STAM2: variants seen among roughly 807,000 people sequenced by gnomAD.
STAM2 encodes signal transducing adapter molecule 2.
In STAM2, 51 loss-of-function variants were observed where a neutral mutation model predicts 65.6. That is an observed-to-expected ratio of 0.78 (90% CI 0.62 to 0.98). The LOEUF (loss-of-function observed/expected upper bound fraction) is 0.98. Ranked by LOEUF, STAM2 falls within the 50% of genes least tolerant of loss-of-function variation. The pLI is 0.00. For synonymous variants in STAM2, 198 were observed against 208.4 expected, an observed-to-expected ratio of 0.95 and a Z score of 0.43; for missense variants, 584 against 617.8, an observed-to-expected ratio of 0.95 and a Z score of 0.58.
intron 1 of STAM2, among the ~76,000 whole-genome samples, chr2:152,166,441 T>C (rs200441869): frequency 6.6e-6 from 1 of 152,210 alleles, no homozygotes; most frequent in East Asian, 1.9e-4. Flanking sequence ...TTAGAACTGA[T>C]AGTTGTCAAG....
chr2:152,151,015 A>G (rs1205731019), intron 1 of STAM2, among the ~76,000 whole-genome samples: 1 of 151,944 alleles, frequency 6.6e-6, no homozygotes, highest in African/African-American at 2.4e-5. Flanking sequence ...TTTCAATAGC[A>G]AAAAGGAAAA....
At chr2:152,175,026 G>C (rs577794229) in intron 1 of STAM2, among the ~76,000 whole-genome samples, 1 of 152,174 alleles carries the variant, frequency 6.6e-6, no homozygotes, top group Admixed American at 6.5e-5. Flanking sequence ...CCTAGCACCC[G>C]CGCAATCTTT....
intron 11 of STAM2, 106 bp from the exon 12 acceptor site, chr2:152,126,485 G>T (rs932544383): frequency 1.5e-6 from 1 of 654,234 alleles, no homozygotes; most frequent in East Asian, 3.5e-5. Flanking sequence ...TATATTAAAA[G>T]GCTTTTTTAT....
At position 152,148,263 on chromosome 2, in the gene STAM2, T is replaced by A. The variant is rs1689372911; in HGVS notation, c.163A>T (p.Asn55Tyr). ...DCLKAIMKRV[N>Y]HKVPHVALQA... ...AGAGCAACATGTGGAACCTTATGAT[T>A]TACCCTTTTCATTATGGCTTTTAGG... is the stretch of plus-strand genomic sequence containing the variant. The change falls in exon 3 of 14, where the codon AAT (asparagine) becomes TAT (tyrosine). Residue 55 changes from asparagine (N) to tyrosine (Y), a missense_variant. By Grantham distance (143) the Asn-to-Tyr change is moderately radical. Transcript: ENST00000263904. 1.2e-6 allele frequency: 2 copies of A among 1,611,920 alleles called. No individual in the cohort carries two copies. Among genetic ancestry groups the A allele is most frequent in the South Asian group, 1.1e-5 (1 of 90,430 alleles).
At chr2:152,139,576 G>GA (rs933759106) in intron 7 of STAM2, among the ~76,000 whole-genome samples, 6 of 151,302 alleles carry the variant, frequency 4.0e-5, no homozygotes, top group Middle Eastern at 3.4e-3. Flanking sequence ...ATAAAAACAA[G>GA]AAAAAAAAAT....
chr2:152,137,148 A>G (rs896328977), intron 7 of STAM2, among the ~76,000 whole-genome samples: 2 of 152,180 alleles, frequency 1.3e-5, no homozygotes, highest in African/African-American at 2.4e-5. Context: ...TCAGCCTCCC[A>G]AAGTGCTGGG....
intron 1 of STAM2, among the ~76,000 whole-genome samples, chr2:152,160,829 G>C (rs1204460207): frequency 1.4e-5 from 2 of 144,116 alleles, no homozygotes; most frequent in Admixed American, 6.9e-5. Flanking sequence ...GGTGGTGGGG[G>C]GGTCAGCCCC....
At chr2:152,128,130 G>A (rs548730061) in intron 11 of STAM2, among the ~76,000 whole-genome samples, 6 of 152,238 alleles carry the variant, frequency 3.9e-5, no homozygotes, top group South Asian at 2.1e-4. Context: ...ATATCAGGCC[G>A]GGCGCGGTGG....
chr2:152,137,287 T>C (rs1689173888), intron 7 of STAM2, among the ~76,000 whole-genome samples: 1 of 152,194 alleles, frequency 6.6e-6, no homozygotes, highest in South Asian at 2.1e-4. Context: ...AATGTCATCT[T>C]CCCTTATATG....
Position 152,120,288 on chromosome 2 carries a change from A to G in STAM2, c.*286T>C, listed in dbSNP as rs1688826108. The stretch of plus-strand genomic sequence containing the variant: ...CATACTGTTTGTCATAAGGCTACTT[A>G]ATGAGTATCTAGATTTATGTAGAGA... On this transcript the variant is annotated 3_prime_UTR_variant, in exon 14 of 14. Coordinates refer to ENST00000263904, the MANE Select transcript of STAM2 (RefSeq NM_005843.6). 5.0e-6 allele frequency: 2 copies of G among 396,966 alleles called. No individual in the cohort carries two copies. Among genetic ancestry groups the G allele is most frequent in the Non-Finnish European group, 9.2e-6 (2 of 217,346 alleles). 24.6% of individuals were successfully genotyped at this position (396,966 alleles called of 1,614,324 possible). A position where few individuals can be genotyped will look rare whatever the true frequency, so the allele number is the denominator to read the frequency against.
intron 7 of STAM2, among the ~76,000 whole-genome samples, chr2:152,141,121 A>G (rs1406344980): frequency 3.4e-5 from 5 of 145,910 alleles, no homozygotes; most frequent in African/African-American, 1.3e-4. Flanking sequence ...CCTGGGCGAC[A>G]GAGTGAGACC....
intron 1 of STAM2, among the ~76,000 whole-genome samples, chr2:152,170,125 C>T (rs1015766125): frequency 2.0e-5 from 3 of 151,354 alleles, no homozygotes; most frequent in Admixed American, 1.3e-4. Flanking sequence ...GCATGAGCCA[C>T]CACACCAGGC....
chr2:152,175,474 C>A, intron 1 of STAM2, 129 bp downstream of exon 1: 2 of 1,214,584 alleles, frequency 1.6e-6, no homozygotes, highest in Non-Finnish European at 2.4e-6. Context: ...AAGGAGCGGG[C>A]GGCACCGCCC....
chr2:152,152,684 G>A (rs962608245), intron 1 of STAM2, among the ~76,000 whole-genome samples: 1 of 152,156 alleles, frequency 6.6e-6, no homozygotes, highest in African/African-American at 2.4e-5. Context: ...TAGAAATCCT[G>A]TGTCATATGG....
intron 1 of STAM2, among the ~76,000 whole-genome samples, chr2:152,175,393 TCAGGCGG>T (rs1210544782): frequency 6.6e-6 from 1 of 151,994 alleles, no homozygotes; most frequent in East Asian, 1.9e-4. Context: ...GTCCCCAAAC[TCAGGCGG>T]CAGGAAGCAC....
chr2:152,150,348 G>A (rs1317311172), intron 1 of STAM2, 119 bp from the exon 2 acceptor site: 6 of 573,436 alleles, frequency 1.0e-5, no homozygotes, highest in East Asian at 3.1e-5. Context: ...TACTACAGAC[G>A]ACCTTCAGAA....
At chr2:152,145,016 T>C (rs2105546417) in intron 5 of STAM2, 59 bp from the exon 6 acceptor site, 1 of 1,306,270 alleles carries the variant, frequency 7.7e-7, no homozygotes, top group South Asian at 1.2e-5. Context: ...ACAAGCTCCA[T>C]AATTACTTGC....
intron 7 of STAM2, among the ~76,000 whole-genome samples, chr2:152,143,017 C>A (rs1020445084): frequency 6.6e-6 from 1 of 152,208 alleles, no homozygotes; most frequent in African/African-American, 2.4e-5. Context: ...TCACCACATT[C>A]TGCCTTCCAT....
intron 1 of STAM2, among the ~76,000 whole-genome samples, chr2:152,151,017 A>G (rs111356594): frequency 5.3e-5 from 8 of 152,158 alleles, no homozygotes; most frequent in African/African-American, 1.9e-4. Context: ...TCAATAGCAA[A>G]AAGGAAAATT....
Sources: allele counts gnomAD v4.1 joint callset (sites outside exome capture counted in the v4.1 genomes callset), GRCh38; gene constraint gnomAD v4.1.1; transcripts MANE v1.5; gene names NCBI Gene and HGNC (gene_info 2026-07-23, HGNC 2026-07-21).